NHLRC2: variants seen among roughly 807,000 people sequenced by gnomAD.
The protein encoded by NHLRC2 is NHL repeat containing 2.
In NHLRC2, 33 loss-of-function variants were observed where a neutral mutation model predicts 68.1. That is an observed-to-expected ratio of 0.48 (90% CI 0.37 to 0.65). The LOEUF is 0.65. Among genes scored for constraint, NHLRC2 ranks in the 30% least tolerant of loss-of-function variants. The probability of loss-of-function intolerance (pLI) is 0.00; values close to 1 mark genes in which losing one functional copy is unlikely to be tolerated. For missense variants in NHLRC2, 761 were observed against 853.8 expected (o/e 0.89, Z 1.35); for synonymous variants, 311 against 309.6 (o/e 1.00, Z -0.05).
At chr10:113,889,096 G>A (rs1407549016) in intron 5 of NHLRC2, among the ~76,000 whole-genome samples, 3 of 151,960 alleles carry the variant, frequency 2.0e-5, no homozygotes. Context: ...CAAAGTGCTG[G>A]GATTACAGGT....
At position 113,908,567 on chromosome 10, in the gene NHLRC2, C is replaced by T. The variant is rs368666373; in HGVS notation, c.*31C>T. On this transcript the variant is annotated 3_prime_UTR_variant, in exon 11 of 11. Coordinates refer to ENST00000369301, the MANE Select transcript of NHLRC2 (RefSeq NM_198514.4). Reference sequence around the variant, plus strand: ...CAGCTAGCTAGCAACCCATTGCCACCACCTACTGTCTCCCATCCTGACTAT... The same window carrying T: ...CAGCTAGCTAGCAACCCATTGCCACTACCTACTGTCTCCCATCCTGACTAT... 9 of 1,610,354 alleles carry T rather than the reference C, an allele frequency of 5.6e-6. No homozygotes were observed. The highest frequency in any genetic ancestry group is 1.3e-5 in the African/African-American group (1 of 74,978).
intron 5 of NHLRC2, among the ~76,000 whole-genome samples, chr10:113,896,710 G>C (rs1043106565): frequency 1.4e-4 from 21 of 152,208 alleles, no homozygotes; most frequent in African/African-American, 4.3e-4. Flanking sequence ...ATTTGAACTG[G>C]CTGGGCATGG....
chr10:113,882,102 T>C (rs1305184022), intron 4 of NHLRC2, among the ~76,000 whole-genome samples: 2 of 151,832 alleles, frequency 1.3e-5, no homozygotes, highest in Non-Finnish European at 3.0e-5. Context: ...GATATTTAGA[T>C]TGTGTTTTGG....
rs148361772 is a variant in NHLRC2, at chr10:113,862,901, G to A, written c.331+4221G>A. Reference sequence around the variant, plus strand: ...TTCACCTGTAATCCCAGCTACTCAGGAGGCTGAGGCAGGAAGATCACTTGA... The same window carrying A: ...TTCACCTGTAATCCCAGCTACTCAGAAGGCTGAGGCAGGAAGATCACTTGA... On this transcript the variant is annotated intron_variant, in intron 2 of 10. Transcript: ENST00000369301. 1.9e-3 allele frequency among the ~76,000 whole-genome samples: 292 copies of A among 152,326 alleles called. 2 individuals carry two copies. The highest frequency in any genetic ancestry group is 6.8e-3 in the African/African-American group (282 of 41,570).
At chr10:113,855,314 T>G (rs907903890) in intron 1 of NHLRC2, among the ~76,000 whole-genome samples, 1 of 152,206 alleles carries the variant, frequency 6.6e-6, no homozygotes, top group Non-Finnish European at 1.5e-5. Context: ...ATTAGCCAAG[T>G]GGACACTCCG....
intron 5 of NHLRC2, among the ~76,000 whole-genome samples, chr10:113,891,698 T>C (rs1846133556): frequency 6.6e-6 from 1 of 152,180 alleles, no homozygotes; most frequent in South Asian, 2.1e-4. Context: ...ACATGGTGGT[T>C]CCCTCTCTCC....
chr10:113,871,203 T>C (rs1321541527), intron 2 of NHLRC2, among the ~76,000 whole-genome samples: 1 of 152,130 alleles, frequency 6.6e-6, no homozygotes, highest in East Asian at 1.9e-4. Flanking sequence ...TTTGTATTTT[T>C]AGTAGAGACA....
At chr10:113,858,925 AT>A (rs1450576618) in intron 2 of NHLRC2, 1 of 325,712 alleles carries the variant, frequency 3.1e-6, no homozygotes, top group African/African-American at 2.1e-5. Context: ...TAGGGGCATA[AT>A]TTGCTATTTT....
chr10:113,878,762 C>T (rs1052560839), intron 3 of NHLRC2, among the ~76,000 whole-genome samples: 5 of 152,254 alleles, frequency 3.3e-5, no homozygotes, highest in Admixed American at 3.3e-4. Context: ...CCCTTGACCT[C>T]AAGTGATCTG....
At chr10:113,893,160 C>A (rs1009728373) in intron 5 of NHLRC2, among the ~76,000 whole-genome samples, 1 of 152,028 alleles carries the variant, frequency 6.6e-6, no homozygotes, top group Non-Finnish European at 1.5e-5. Flanking sequence ...CACTATGCAT[C>A]CCGGAGTAGG....
chr10:113,866,736 G>C (rs80356394), intron 2 of NHLRC2, among the ~76,000 whole-genome samples: 2,517 of 151,490 alleles, frequency 0.017, 68 homozygotes, highest in African/African-American at 0.056. Flanking sequence ...TCGCCTGCCC[G>C]CCTCCCCGCC....
At chr10:113,856,649 TG>T (rs1372424993) in intron 1 of NHLRC2, among the ~76,000 whole-genome samples, 3 of 152,120 alleles carry the variant, frequency 2.0e-5, no homozygotes, top group African/African-American at 7.2e-5. Context: ...TTACAGGGAG[TG>T]TATTTTATTC....
chr10:113,908,446 G>C lies in NHLRC2; in HGVS notation c.2091G>C (p.Met697Ile), dbSNP rs746878000. The change falls in exon 11 of 11, where the codon ATG (methionine) becomes ATC (isoleucine). Residue 697 changes from methionine (M) to isoleucine (I), a missense_variant. By Grantham distance (10) the Met-to-Ile change is conservative (BLOSUM62 1). Transcript: ENST00000369301. ...YYCSADSSAC[M>I]MKAILFSQPL... ...GTAGTGCAGACAGCAGTGCTTGTAT[G>C]ATGAAGGCAATTTTGTTCAGTCAGC... 1.2e-6 allele frequency: 2 copies of C among 1,613,994 alleles called. No homozygotes were observed. The highest frequency in any genetic ancestry group is 2.2e-5 in the South Asian group (2 of 91,070).
At chr10:113,896,689 GAA>G (rs1206134819) in intron 5 of NHLRC2, among the ~76,000 whole-genome samples, 1 of 151,340 alleles carries the variant, frequency 6.6e-6, no homozygotes, top group Non-Finnish European at 1.5e-5. Flanking sequence ...ATAAATAAAA[GAA>G]AAAAAAGTAT....
In NHLRC2 at chr10:113,910,302, G is replaced by C. The variant is rs1213561416; in HGVS notation, c.*1766G>C. On this transcript the variant is annotated 3_prime_UTR_variant, in exon 11 of 11. Transcript: ENST00000369301. ...TGCAACCTCTACCTCCTGGGTTCAAGAGATTTTCCTGCCTCAGCCTCCCAA... is the reference window on the plus strand; with the variant it reads ...TGCAACCTCTACCTCCTGGGTTCAACAGATTTTCCTGCCTCAGCCTCCCAA... 2.0e-5 allele frequency: 3 copies of C among 152,284 alleles called. No individual in the cohort carries two copies. 9.4% of individuals were successfully genotyped at this position (152,284 alleles called of 1,614,324 possible).
chr10:113,902,193 G>A (rs537744595), intron 7 of NHLRC2, among the ~76,000 whole-genome samples: 1 of 152,244 alleles, frequency 6.6e-6, no homozygotes, highest in Non-Finnish European at 1.5e-5. Flanking sequence ...TTGGGCAGTG[G>A]GGTGGAAAGA....
At chr10:113,904,739 A>G (rs1846259350) in intron 9 of NHLRC2, 78 bp from the exon 10 acceptor site, 5 of 1,049,504 alleles carry the variant, frequency 4.8e-6, no homozygotes, top group Middle Eastern at 2.1e-4. Context: ...TTATTCTACT[A>G]AAGTCTAAAA....
At chr10:113,872,233 A>G (rs1268530202) in intron 2 of NHLRC2, among the ~76,000 whole-genome samples, 1 of 152,166 alleles carries the variant, frequency 6.6e-6, no homozygotes, top group Non-Finnish European at 1.5e-5. Context: ...AAAAAAGCGT[A>G]TATGAAGGAA....
chr10:113,861,951 C>T (rs1015552291), intron 2 of NHLRC2, among the ~76,000 whole-genome samples: 8 of 152,004 alleles, frequency 5.3e-5, no homozygotes, highest in Admixed American at 4.6e-4. Context: ...CGGCCTACTG[C>T]AACCTCTGCC....
Sources: allele counts gnomAD v4.1 joint callset (sites outside exome capture counted in the v4.1 genomes callset), GRCh38; gene constraint gnomAD v4.1.1; transcripts MANE v1.5; gene names NCBI Gene and HGNC (gene_info 2026-07-23, HGNC 2026-07-21).